The following BRI3BP variants were observed in gnomAD, a reference collection of about 807,000 sequenced individuals.
The protein encoded by BRI3BP is BRI3-binding protein.
In BRI3BP, 7 loss-of-function variants were observed where a neutral mutation model predicts 15.8. The observed-to-expected ratio is 0.44, with a 90% CI of 0.25 to 0.83. BRI3BP has a LOEUF of 0.83. Ranked by LOEUF, BRI3BP falls within the 40% of genes least tolerant of loss-of-function variation. The pLI is 0.20. For synonymous variants in BRI3BP, 192 were observed against 163.5 expected, an observed-to-expected ratio of 1.17 and a Z score of -1.33; for missense variants, 320 against 339.3, an observed-to-expected ratio of 0.94 and a Z score of 0.45.
chr12:125,012,673 C>G (rs542856168), intron 2 of BRI3BP, 37 bp downstream of exon 2: 2 of 1,496,382 alleles, frequency 1.3e-6, no homozygotes, highest in Non-Finnish European at 9.3e-7. Flanking sequence ...AGGTGTCATT[C>G]TATTTTGGTG....
At chr12:125,024,839 T>G (rs1393714419) in intron 2 of BRI3BP, 152 bp from the exon 3 acceptor site, 12 of 666,270 alleles carry the variant, frequency 1.8e-5, no homozygotes, top group Non-Finnish European at 3.0e-5. Context: ...TGGAGCAAAG[T>G]GTGACTATTC....
intron 2 of BRI3BP, among the ~76,000 whole-genome samples, chr12:125,021,308 G>GT (rs1234998211): frequency 2.6e-5 from 4 of 152,184 alleles, no homozygotes; most frequent in Non-Finnish European, 4.4e-5. Context: ...TGTTCACGCC[G>GT]TAGGTGTCGT....
chr12:124,999,944 T>C (rs1302869423), intron 1 of BRI3BP, among the ~76,000 whole-genome samples: 1 of 19,224 alleles, frequency 5.2e-5, no homozygotes, highest in Admixed American at 5.7e-4. Flanking sequence ...GGCTTTATTA[T>C]GTATGAGACA....
At chr12:125,042,170 G>A in the BRI3BP span, among the ~76,000 whole-genome samples, 30 of 152,172 alleles carry the variant, frequency 2.0e-4, no homozygotes, top group African/African-American at 7.2e-4. Context: ...TTTATTTTAG[G>A]TTCAGGGATA....
chr12:125,046,281 C>T, the BRI3BP span, among the ~76,000 whole-genome samples: 4 of 152,112 alleles, frequency 2.6e-5, no homozygotes, highest in Non-Finnish European at 4.4e-5. Context: ...AGGCCGGGCG[C>T]GGTGGCTCAC....
intron 2 of BRI3BP, among the ~76,000 whole-genome samples, chr12:125,013,384 G>A (rs945014291): frequency 1.3e-5 from 2 of 152,316 alleles, no homozygotes; most frequent in African/African-American, 2.4e-5. Context: ...CGTTGAGTTC[G>A]AAGTCACACA....
chr12:125,034,596 T>C (rs565149599), downstream of BRI3BP, among the ~76,000 whole-genome samples: 8 of 152,066 alleles, frequency 5.3e-5, no homozygotes, highest in Non-Finnish European at 1.2e-4. Context: ...TGTATTTTTT[T>C]TTTTTGGGCT....
At chr12:125,000,680 A>G (rs576978534) in intron 1 of BRI3BP, among the ~76,000 whole-genome samples, 20 of 152,202 alleles carry the variant, frequency 1.3e-4, no homozygotes, top group Non-Finnish European at 2.5e-4. Context: ...AGAACAAGGA[A>G]TAGCTGCAAA....
At chr12:124,999,071 CTT>C (rs1050797737) in intron 1 of BRI3BP, among the ~76,000 whole-genome samples, 2 of 152,144 alleles carry the variant, frequency 1.3e-5, no homozygotes, top group African/African-American at 2.4e-5. Flanking sequence ...GCACAAAACT[CTT>C]TGTCTCCAAA....
chr12:125,047,040 A>G, the BRI3BP span, among the ~76,000 whole-genome samples: 1 of 152,260 alleles, frequency 6.6e-6, no homozygotes, highest in Non-Finnish European at 1.5e-5. Flanking sequence ...AAAAGACTGC[A>G]TTGTGTATAT....
At chr12:124,998,691 G>A (rs983401543) in intron 1 of BRI3BP, among the ~76,000 whole-genome samples, 12 of 152,128 alleles carry the variant, frequency 7.9e-5, no homozygotes, top group African/African-American at 2.9e-4. Context: ...GATAATAATG[G>A]TTGCATGATA....
At position 124,993,907 on chromosome 12, in the gene BRI3BP, C is replaced by T. The variant is rs1448781777; in HGVS notation, c.117C>T (p.Gly39=). The T allele has an allele frequency of 1.0e-5, 13 of 1,281,420 alleles. No individual in the cohort carries two copies. Among genetic ancestry groups the T allele is most frequent in the South Asian group, 2.2e-5 (1 of 45,644 alleles). The allele number at this position is 1,281,420 out of a possible 1,614,324, so 79.4% of individuals were successfully genotyped here. A position where few individuals can be genotyped will look rare whatever the true frequency, so the allele number is the denominator to read the frequency against. The change falls in exon 1 of 3, where the codon GGC becomes GGT. Residue 39 remains glycine (G), a synonymous_variant. Transcript: ENST00000341446. ...GCGCGCAGGGGGCGCGGGGCCGCGG[C>T]GGCGCGGAGAAGAACAGCTACCGCC... is the stretch of plus-strand genomic sequence containing the variant. ...APGAQGARGR[G]GAEKNSYRRT...
intron 1 of BRI3BP, among the ~76,000 whole-genome samples, chr12:124,998,315 CAT>C (rs1282066656): frequency 1.2e-4 from 19 of 152,134 alleles, no homozygotes; most frequent in African/African-American, 2.2e-4. Flanking sequence ...AACTTATACA[CAT>C]GTGTTCATAG....
At chr12:125,043,326 A>AC in the BRI3BP span, among the ~76,000 whole-genome samples, 2 of 151,880 alleles carry the variant, frequency 1.3e-5, no homozygotes, top group African/African-American at 4.8e-5. Flanking sequence ...CTCAACGTCT[A>AC]CCCCAGAATC....
Position 125,025,275 on chromosome 12 carries a change from A to T in BRI3BP, c.601A>T (p.Met201Leu), listed in dbSNP as rs1331283960. 6.2e-7 allele frequency: 1 copy of T among 1,613,872 alleles called. No homozygotes were observed. The highest frequency in any genetic ancestry group is 8.5e-7 in the Non-Finnish European group (1 of 1,180,034). Residue 201 changes from methionine to leucine, a missense_variant, in exon 3 of 3, where the codon ATG becomes TTG. Transcript: ENST00000341446. ...VVAVYFMTGPMGFYWRSSPSG... is the reference protein window; with the variant it reads ...VVAVYFMTGPLGFYWRSSPSG... ...GGCCGTCTACTTCATGACCGGGCCC[A>T]TGGGCTTCTACTGGCGAAGCAGTCC... is the stretch of plus-strand genomic sequence containing the variant.
chr12:124,993,749 G>A lies in BRI3BP; in HGVS notation c.-42G>A. ...GGAGCCCGCTGCGGCCCAGCGCACG[G>A]CCCTCACCCCGCATCGCGACCCCGC... On this transcript the variant is annotated 5_prime_UTR_variant, in exon 1 of 3. Coordinates refer to ENST00000341446, the MANE Select transcript of BRI3BP (RefSeq NM_080626.6). 3.1e-6 allele frequency: 3 copies of A among 977,116 alleles called. No homozygotes were observed. Among genetic ancestry groups the A allele is most frequent in the Non-Finnish European group, 3.7e-6 (3 of 821,528 alleles). The allele number at this position is 977,116 out of a possible 1,614,324, so 60.5% of individuals were successfully genotyped here. A position where few individuals can be genotyped will look rare whatever the true frequency, so the allele number is the denominator to read the frequency against.
intron 1 of BRI3BP, among the ~76,000 whole-genome samples, chr12:124,999,297 G>A (rs1452972425): frequency 6.6e-6 from 1 of 152,082 alleles, no homozygotes; most frequent in Non-Finnish European, 1.5e-5. Flanking sequence ...TCCCACTACC[G>A]ACCCGTCTAC....
chr12:125,008,299 C>CTTTTTT (rs55697100), intron 1 of BRI3BP, among the ~76,000 whole-genome samples: 12 of 99,922 alleles, frequency 1.2e-4, no homozygotes, highest in African/African-American at 3.2e-4. Flanking sequence ...CCTCTTCTTT[C>CTTTTTT]TTTTTTTTTT....
At chr12:125,020,229 AG>A (rs1160922385) in intron 2 of BRI3BP, among the ~76,000 whole-genome samples, 1 of 152,136 alleles carries the variant, frequency 6.6e-6, no homozygotes, top group African/African-American at 2.4e-5. Flanking sequence ...TACAGGCATG[AG>A]CCACCGTGCC....
Sources: gnomAD v4.1 joint callset for allele counts (sites outside exome capture counted in the v4.1 genomes callset) on GRCh38, gnomAD v4.1.1 for gene constraint, MANE v1.5 for transcripts, NCBI Gene and HGNC (gene_info 2026-07-23, HGNC 2026-07-21) for gene names.